The following PAM16 variants were observed in gnomAD, a reference collection of about 807,000 sequenced individuals.
PAM16 encodes mitochondrial import inner membrane translocase subunit TIM16.
A neutral mutation model predicts 17.9 loss-of-function variants in PAM16; 11 were observed. The observed-to-expected ratio is 0.62, with a 90% confidence interval of 0.39 to 1.02. The LOEUF (loss-of-function observed/expected upper bound fraction) is 1.02, where lower values mean the gene tolerates loss of function less well. Ranked by LOEUF, PAM16 falls within the 50% of genes least tolerant of loss-of-function variation. The pLI is 0.01. For synonymous variants in PAM16, 72 were observed against 67.4 expected, an observed-to-expected ratio of 1.07 and a Z score of -0.34; for missense variants, 199 against 165.4, an observed-to-expected ratio of 1.20 and a Z score of -1.11.
intron 1 of PAM16, among the ~76,000 whole-genome samples, chr16:4,349,813 C>G (rs1169702554): frequency 2.0e-5 from 3 of 152,066 alleles, no homozygotes; most frequent in Non-Finnish European, 2.9e-5. Context: ...CAGAGCTGGG[C>G]TCAAAAGAGG....
chr16:4,347,656 AG>A (rs1181649155), intron 1 of PAM16: 1 of 152,284 alleles, frequency 6.6e-6, no homozygotes, highest in Non-Finnish European at 1.5e-5. Flanking sequence ...GCTCATTCAC[AG>A]GGAGCAGAGC....
At chr16:4,346,207 T>A (rs760417780) in intron 1 of PAM16, among the ~76,000 whole-genome samples, 21 of 152,134 alleles carry the variant, frequency 1.4e-4, no homozygotes, top group Admixed American at 9.2e-4. Context: ...ATAGGAGGCA[T>A]CTCTGAGAAG....
intron 2 of PAM16, 137 bp downstream of exon 2, chr16:4,343,070 G>T: frequency 8.7e-7 from 1 of 1,147,062 alleles, no homozygotes; most frequent in Non-Finnish European, 1.3e-6. Context: ...CCCCGGTCTG[G>T]CATCACCCCC....
At chr16:4,345,361 AG>A (rs1485246018) in intron 1 of PAM16, 36 of 152,268 alleles carry the variant, frequency 2.4e-4, no homozygotes, top group Admixed American at 2.2e-3. Context: ...AGGACGTAAC[AG>A]CAGGTGCCTC....
intron 1 of PAM16, 87 bp from the exon 2 acceptor site, chr16:4,343,378 G>C: frequency 6.6e-7 from 1 of 1,518,678 alleles, no homozygotes; most frequent in South Asian, 1.2e-5. Flanking sequence ...GAGGGGCAAG[G>C]CTCCCGGAGA....
At chr16:4,343,935 T>A (rs961194731) in intron 1 of PAM16, 35 of 398,052 alleles carry the variant, frequency 8.8e-5, no homozygotes, top group African/African-American at 7.0e-4. Flanking sequence ...GTTCACCCAT[T>A]CATTCAAACA....
At chr16:4,341,331 C>T in intron 3 of PAM16, 37 bp downstream of exon 3, 2 of 1,547,358 alleles carry the variant, frequency 1.3e-6, no homozygotes, top group Non-Finnish European at 8.7e-7. Flanking sequence ...CTGGCAGCCT[C>T]TCCCTCTCAA....
At chr16:4,344,154 G>A (rs1400966229) in intron 1 of PAM16, 5 of 393,572 alleles carry the variant, frequency 1.3e-5, no homozygotes, top group Non-Finnish European at 2.2e-5. Flanking sequence ...CAGAGTCGAG[G>A]GAAAACTCAA....
intron 1 of PAM16, chr16:4,344,116 G>T (rs2053695189): frequency 2.5e-6 from 1 of 397,270 alleles, no homozygotes; most frequent in East Asian, 3.6e-5. Flanking sequence ...GAGGCCCTGG[G>T]GACTCACTAA....
rs186598004 is a variant in PAM16 at position 4,340,381 on chromosome 16, C to G, written c.316G>C (p.Asp106His). 1 of 1,612,668 alleles carries G rather than the reference C, an allele frequency of 6.2e-7. No homozygotes were observed. Among genetic ancestry groups the G allele is most frequent in the African/African-American group, 1.3e-5 (1 of 74,954 alleles). Residue 106 changes from aspartate to histidine, a missense_variant, in exon 5 of 5, where the codon GAT becomes CAT. Transcript: ENST00000318059. ...SKVVRAKERL[D>H]EELKIQAQED... Reference sequence around the variant, plus strand: ...TGGGCCTGGATTTTGAGTTCCTCATCCAGGCGCTCCTTTGCGCGGACCACC... The same window carrying G: ...TGGGCCTGGATTTTGAGTTCCTCATGCAGGCGCTCCTTTGCGCGGACCACC...
At position 4,341,507 on chromosome 16, in the gene PAM16, G is replaced by A. The variant is rs1323801512; in HGVS notation, c.89-3C>T. 2 of 1,605,720 alleles carry A rather than the reference G, an allele frequency of 1.2e-6. No individual in the cohort carries two copies. Among genetic ancestry groups the A allele is most frequent in the Non-Finnish European group, 1.7e-6 (2 of 1,178,196 alleles). On this transcript the variant is annotated splice_polypyrimidine_tract_variant and splice_region_variant and intron_variant, in intron 2 of 4. Coordinates refer to ENST00000318059, the MANE Select transcript of PAM16 (RefSeq NM_016069.11). ...GGCATCAGCTGCGGCCCGGCTGGCT[G>A]TGTGGACATGTGGGTGATCGCTCAG... is the stretch of plus-strand genomic sequence containing the variant.
chr16:4,341,126 G>A, intron 3 of PAM16, 141 bp from the exon 4 acceptor site: 1 of 1,224,818 alleles, frequency 8.2e-7, no homozygotes, highest in African/African-American at 1.5e-5. Flanking sequence ...GCCACTGAGA[G>A]GCAGAGATGG....
intron 1 of PAM16, among the ~76,000 whole-genome samples, chr16:4,350,006 A>T (rs1174101396): frequency 6.6e-6 from 1 of 152,142 alleles, no homozygotes; most frequent in Middle Eastern, 3.2e-3. Flanking sequence ...TATCCTTATT[A>T]CTATGTTAGT....
intron 1 of PAM16, chr16:4,346,644 T>C (rs2053763925): frequency 6.6e-6 from 1 of 152,202 alleles, no homozygotes; most frequent in African/African-American, 2.4e-5. Flanking sequence ...CTAGCTTTCT[T>C]TCTCAATAGC....
Position 4,343,244 on chromosome 16 carries a change from GC to G in PAM16, c.50del (p.Gly17AlafsTer52). 1.9e-6 allele frequency: 3 copies of G among 1,612,808 alleles called. No homozygotes were observed. The highest frequency in any genetic ancestry group is 2.5e-6 in the Non-Finnish European group (3 of 1,179,964). On this transcript the variant is annotated frameshift_variant, in exon 2 of 5. Coordinates refer to ENST00000318059, the MANE Select transcript of PAM16 (RefSeq NM_016069.11). LOFTEE classifies it high-confidence loss of function. ...GCCGCAAGGCCCGTGCAAAGGCCCT[GC>G]CCACCACCTGCACGCCCATCACAAT... ...QIIVMGVQVVGRAFARALRQE... is the reference protein window; with the variant it reads ...QIIVMGVQVVXRAFARALRQE...
At chr16:4,349,387 C>G (rs923729517) in intron 1 of PAM16, among the ~76,000 whole-genome samples, 3 of 152,108 alleles carry the variant, frequency 2.0e-5, no homozygotes, top group Non-Finnish European at 2.9e-5. Context: ...GGCAACATGG[C>G]GAAACTGCAT....
At chr16:4,344,582 G>GACT (rs1347276160) in intron 1 of PAM16, among the ~76,000 whole-genome samples, 1 of 119,886 alleles carries the variant, frequency 8.3e-6, no homozygotes, top group Non-Finnish European at 1.7e-5. Flanking sequence ...GAGAGGAGGG[G>GACT]GTTCCGTGAG....
intron 2 of PAM16, among the ~76,000 whole-genome samples, chr16:4,342,351 C>G (rs548585829): frequency 3.1e-4 from 46 of 148,354 alleles, no homozygotes; most frequent in African/African-American, 8.5e-4. Flanking sequence ...CAGTGAGACT[C>G]CGTCTCAAAA....
At chr16:4,341,034 G>A (rs1419195254) in intron 3 of PAM16, 49 bp from the exon 4 acceptor site, 1 of 1,609,790 alleles carries the variant, frequency 6.2e-7, no homozygotes, top group Admixed American at 1.7e-5. Context: ...GCAGGCAAGA[G>A]ATGTTGGGCA....
Sources: gnomAD v4.1 joint callset for allele counts (sites outside exome capture counted in the v4.1 genomes callset) on GRCh38, gnomAD v4.1.1 for gene constraint, MANE v1.5 for transcripts, NCBI Gene and HGNC (gene_info 2026-07-23, HGNC 2026-07-21) for gene names.